Variants in CPS1 observed in about 807,000 individuals in gnomAD.
CPS1 encodes the protein carbamoyl-phosphate synthase 1.
CPS1 carries 109 observed loss-of-function variants against 174.6 expected under a neutral mutation model. The ratio of observed to expected loss-of-function variants is 0.62; its 90% confidence interval spans 0.53 to 0.73. CPS1 has a LOEUF of 0.73. Ranked by LOEUF, CPS1 falls within the 30% of genes least tolerant of loss-of-function variation. The probability of loss-of-function intolerance (pLI) is 0.00; values close to 1 mark genes in which losing one functional copy is unlikely to be tolerated. For synonymous variants in CPS1, 637 were observed against 632.0 expected, an observed-to-expected ratio of 1.01 and a Z score of -0.12; for missense variants, 1,689 against 1,821.9, an observed-to-expected ratio of 0.93 and a Z score of 1.33.
chr2:210,647,881 A>G lies in CPS1; in HGVS notation c.3160A>G (p.Ile1054Val). ...YHQEACGGCI[I>V]SVGGQIPNNL... ...TTTCCAGGCATGTGGTGGCTGCATCATATCAGTTGGAGGCCAGATTCCAAA... is the reference window on the plus strand; with the variant it reads ...TTTCCAGGCATGTGGTGGCTGCATCGTATCAGTTGGAGGCCAGATTCCAAA... Residue 1054 changes from isoleucine to valine, a missense_variant, in exon 26 of 38, where the codon ATA becomes GTA. By Grantham distance (29) the Ile-to-Val change is conservative. Transcript: ENST00000233072. 5 of 1,614,006 alleles carry G rather than the reference A, an allele frequency of 3.1e-6. No individual in the cohort carries two copies. Among genetic ancestry groups the G allele is most frequent in the South Asian group, 2.2e-5 (2 of 91,090 alleles).
chr2:210,663,285 A>T (rs1204652093), intron 33 of CPS1, 88 bp downstream of exon 33: 1 of 1,254,654 alleles, frequency 8.0e-7, no homozygotes, highest in Non-Finnish European at 1.2e-6. Context: ...AATAAAGGGA[A>T]TAAAAACATC....
At chr2:210,591,088 A>G (rs1698281135) in intron 9 of CPS1, among the ~76,000 whole-genome samples, 182 bp downstream of exon 9, 1 of 151,612 alleles carries the variant, frequency 6.6e-6, no homozygotes, top group South Asian at 2.1e-4. Context: ...AAATAAAATA[A>G]ATAACCATAC....
intron 36 of CPS1, 61 bp from the exon 37 acceptor site, chr2:210,676,946 A>C: frequency 6.5e-7 from 1 of 1,542,148 alleles, no homozygotes; most frequent in South Asian, 1.1e-5. Context: ...TTATGTTAGT[A>C]TTTTATAAAC....
chr2:210,500,706 T>C (rs1695116017), intron 1 of CPS1, among the ~76,000 whole-genome samples: 1 of 152,220 alleles, frequency 6.6e-6, no homozygotes, highest in Non-Finnish European at 1.5e-5. Context: ...TCCTCCCAGC[T>C]GTTTTCACGA....
At position 210,678,029 on chromosome 2, in the gene CPS1, C is replaced by T. The variant is rs1457768473; in HGVS notation, c.*44C>T. 1 of 1,390,174 alleles carries T rather than the reference C, an allele frequency of 7.2e-7. No individual in the cohort carries two copies. Among genetic ancestry groups the T allele is most frequent in the African/African-American group, 1.4e-5 (1 of 70,466 alleles). The allele number at this position is 1,390,174 out of a possible 1,614,324, so 86.1% of individuals were successfully genotyped here. A position where few individuals can be genotyped will look rare whatever the true frequency, so the allele number is the denominator to read the frequency against. On this transcript the variant is annotated 3_prime_UTR_variant, in exon 38 of 38. Transcript: ENST00000233072. ...CCCATTATTAAATCAACCTGAGCCA[C>T]ATGTTATCTAAAGGAACTGATTCAC... is the stretch of plus-strand genomic sequence containing the variant.
chr2:210,578,910 T>G (rs1463033873), intron 4 of CPS1, among the ~76,000 whole-genome samples: 1 of 152,176 alleles, frequency 6.6e-6, no homozygotes, highest in Non-Finnish European at 1.5e-5. Flanking sequence ...ATAGTTTTAG[T>G]GTAAGCCTAA....
upstream of CPS1, among the ~76,000 whole-genome samples, chr2:210,556,108 A>G (rs1243377564): frequency 5.9e-5 from 9 of 152,040 alleles, no homozygotes; most frequent in Admixed American, 5.3e-4. Context: ...AACATAATAT[A>G]GATAGGTTTA....
chr2:210,630,891 C>T lies in CPS1; in HGVS notation c.2688-6811C>T, dbSNP rs1032886629. Among the ~76,000 whole-genome samples the T allele has an allele frequency of 9.2e-5, 14 of 152,164 alleles. 1 individual carries two copies. The highest frequency in any genetic ancestry group is 3.4e-4 in the African/African-American group (14 of 41,504). Reference sequence around the variant, plus strand: ...GAAACGCCAAAAATAATAAGTGAAGCAGTAAAAAACTCAAGAGAGAGGCTA... The same window carrying T: ...GAAACGCCAAAAATAATAAGTGAAGTAGTAAAAAACTCAAGAGAGAGGCTA... On this transcript the variant is annotated intron_variant, in intron 21 of 37. Coordinates refer to ENST00000233072, the MANE Select transcript of CPS1 (RefSeq NM_001875.5).
chr2:210,628,745 AGCCAAGATCAC>A, intron 21 of CPS1, among the ~76,000 whole-genome samples: 1 of 152,188 alleles, frequency 6.6e-6, no homozygotes, highest in South Asian at 2.1e-4. Flanking sequence ...GGTTGCAGTG[AGCCAAGATCAC>A]GCCACTGCAC....
At chr2:210,608,680 C>A (rs1044171366) in intron 19 of CPS1, 121 bp downstream of exon 19, 7 of 916,802 alleles carry the variant, frequency 7.6e-6, no homozygotes, top group Non-Finnish European at 1.2e-5. Context: ...GTTAAAGGTG[C>A]AATTGACAGT....
chr2:210,643,732 T>C (rs548054845), intron 25 of CPS1, among the ~76,000 whole-genome samples: 1 of 152,128 alleles, frequency 6.6e-6, no homozygotes, highest in Non-Finnish European at 1.5e-5. Flanking sequence ...AGTTGTCTAC[T>C]TGGGCCTGGC....
chr2:210,495,623 G>A (rs940652137), intron 1 of CPS1, among the ~76,000 whole-genome samples: 1 of 152,128 alleles, frequency 6.6e-6, no homozygotes, highest in Admixed American at 6.5e-5. Flanking sequence ...TGAGGAAAAT[G>A]TCATTTAATC....
chr2:210,648,169 C>T (rs1341871335), intron 26 of CPS1, 112 bp downstream of exon 26: 2 of 1,055,982 alleles, frequency 1.9e-6, no homozygotes, highest in Non-Finnish European at 2.9e-6. Flanking sequence ...AGATAGAATG[C>T]ATACACTTAG....
intron 1 of CPS1, among the ~76,000 whole-genome samples, chr2:210,549,199 C>G (rs1288583618): frequency 6.6e-6 from 1 of 152,034 alleles, no homozygotes; most frequent in African/African-American, 2.4e-5. Flanking sequence ...ATCTACCTCA[C>G]AGCTAGGGTT....
At chr2:210,568,176 A>C (rs1219366671) in intron 1 of CPS1, among the ~76,000 whole-genome samples, 3 of 152,136 alleles carry the variant, frequency 2.0e-5, no homozygotes, top group African/African-American at 7.2e-5. Flanking sequence ...GAAGCACAAG[A>C]AAATCAGTGA....
chr2:210,630,063 A>C (rs1699819546), intron 21 of CPS1, among the ~76,000 whole-genome samples: 1 of 149,880 alleles, frequency 6.7e-6, no homozygotes, highest in Non-Finnish European at 1.5e-5. Flanking sequence ...AGAGAGCGAG[A>C]CTATGTCTCA....
chr2:210,665,582 T>C (rs987157895), intron 33 of CPS1, among the ~76,000 whole-genome samples: 3 of 151,640 alleles, frequency 2.0e-5, no homozygotes, highest in Admixed American at 1.3e-4. Context: ...GGTGTTTGGT[T>C]TTTTGTCCTT....
intron 1 of CPS1, among the ~76,000 whole-genome samples, chr2:210,506,368 C>T (rs1247576434): frequency 6.6e-6 from 1 of 152,050 alleles, no homozygotes; most frequent in Non-Finnish European, 1.5e-5. Flanking sequence ...GACATCCACA[C>T]CAAAACCCCA....
At chr2:210,569,365 T>C (rs575031499) in intron 1 of CPS1, among the ~76,000 whole-genome samples, 2 of 152,190 alleles carry the variant, frequency 1.3e-5, no homozygotes, top group East Asian at 1.9e-4. Context: ...AATCTTTAAA[T>C]TTTGGATTTT....
Sources: gnomAD v4.1 joint callset for allele counts (sites outside exome capture counted in the v4.1 genomes callset) on GRCh38, gnomAD v4.1.1 for gene constraint, MANE v1.5 for transcripts, NCBI Gene and HGNC (gene_info 2026-07-23, HGNC 2026-07-21) for gene names.